MID1: variants seen among roughly 807,000 people sequenced by gnomAD.
The protein encoded by MID1 is E3 ubiquitin-protein ligase Midline-1.
A neutral mutation model predicts 40.4 loss-of-function variants in MID1; 7 were observed. The ratio of observed to expected loss-of-function variants is 0.17; its 90% CI spans 0.10 to 0.33. The LOEUF is 0.33. MID1 is among the 10% of genes least tolerant of loss of function. MID1 has a pLI of 1.00. For missense variants in MID1, 367 were observed against 558.5 expected, an observed-to-expected ratio of 0.66 and a Z score of 3.46; for synonymous variants, 229 against 221.2, an observed-to-expected ratio of 1.04 and a Z score of -0.31.
At chrX:10,714,760 A>T (rs57035641) in intron 1 of MID1, among the ~76,000 whole-genome samples, 10,416 of 111,548 alleles carry the variant, frequency 0.093, 757 homozygotes, top group African/African-American at 0.25. Context: ...GTAGGGCTTG[A>T]AAATATTTTA....
At chrX:10,715,692 G>C (rs771097068) in intron 1 of MID1, among the ~76,000 whole-genome samples, 17 of 111,886 alleles carry the variant, frequency 1.5e-4, no homozygotes, top group Non-Finnish European at 2.1e-4. Context: ...GCTTTGAAGA[G>C]AGTAGCGGTT....
rs1369752990 is a variant in MID1, at chrX:10,723,222, C to G, written c.-186-102803G>C. On this transcript the variant is annotated intron_variant, in intron 1 of 10. Transcript: ENST00000380785. ...ATAAACCCTTCATCAAACCTGGAGA[C>G]AATTATTTTCTCACTATCTGGACAA... 3.6e-5 allele frequency among the ~76,000 whole-genome samples: 4 copies of G among 111,870 alleles called. No homozygotes were observed. The East Asian group carries it at 1.1e-3, about 31-fold the overall frequency.
intron 3 of MID1, among the ~76,000 whole-genome samples, chrX:10,522,881 C>G (rs1932763685): frequency 1.8e-5 from 2 of 112,115 alleles, no homozygotes; most frequent in African/African-American, 6.5e-5. Flanking sequence ...TCAGGAAGAG[C>G]TATAATGGGA....
At chrX:10,545,025 C>T (rs1228552628) in intron 2 of MID1, among the ~76,000 whole-genome samples, 9 of 110,340 alleles carry the variant, frequency 8.2e-5, no homozygotes, top group African/African-American at 1.3e-4. Context: ...GGTGTGATCT[C>T]GGCTCACTGC....
At chrX:10,462,027 A>G (rs1257782710) in intron 7 of MID1, among the ~76,000 whole-genome samples, 1 of 111,969 alleles carries the variant, frequency 8.9e-6, no homozygotes, top group East Asian at 2.8e-4. Flanking sequence ...GTCTTAACCC[A>G]ACAAAGATTT....
intron 1 of MID1, among the ~76,000 whole-genome samples, chrX:10,660,421 C>G (rs2042902953): frequency 8.9e-6 from 1 of 112,285 alleles, no homozygotes; most frequent in Non-Finnish European, 1.9e-5. Flanking sequence ...GGGGCCTTTC[C>G]CCCTTGACAC....
chrX:10,705,399 TA>T (rs1409877202), intron 1 of MID1, among the ~76,000 whole-genome samples: 1 of 111,995 alleles, frequency 8.9e-6, no homozygotes, highest in Non-Finnish European at 1.9e-5. Flanking sequence ...TTTCTACCTC[TA>T]AAAGGCTACA....
intron 2 of MID1, among the ~76,000 whole-genome samples, chrX:10,533,354 AAG>A (rs1491287284): frequency 0.016 from 1,312 of 83,459 alleles, 14 homozygotes; most frequent in South Asian, 0.023. Flanking sequence ...GAAAGAAAGA[AAG>A]AAAGAAAGAA....
At chrX:10,828,915 TC>T (rs1255209410) in intron 1 of MID1, among the ~76,000 whole-genome samples, 1 of 112,133 alleles carries the variant, frequency 8.9e-6, no homozygotes, top group African/African-American at 3.2e-5. Context: ...CTCATAACCG[TC>T]CAATGAAGTG....
rs973283562 is a variant in MID1 at position 10,809,262 on chromosome X, C to A, written c.-187+24292G>T. Among the ~76,000 whole-genome samples the A allele has an allele frequency of 2.7e-5, 3 of 111,412 alleles. No homozygotes were observed. In the South Asian group the frequency reaches 1.1e-3, roughly 42 times the overall value. ...CACACCAGTTAGAATGGTGATCATT[C>A]AAAAGTCAGGAAACAACAGGTGCTA... On this transcript the variant is annotated intron_variant, in intron 1 of 10. Coordinates refer to the MID1 transcript ENST00000380785.
chrX:10,568,763 G>A, intron 1 of MID1, among the ~76,000 whole-genome samples: 1 of 111,812 alleles, frequency 8.9e-6, no homozygotes, highest in Non-Finnish European at 1.9e-5. Flanking sequence ...ATCAAAAAGA[G>A]TAGTAGAAAG....
chrX:10,610,105 G>C (rs972586480), intron 1 of MID1, among the ~76,000 whole-genome samples: 1 of 112,275 alleles, frequency 8.9e-6, no homozygotes, highest in African/African-American at 3.2e-5. Flanking sequence ...GACACTCAAC[G>C]TCACTCAGAA....
At chrX:10,786,464 C>G (rs2043884149) in intron 1 of MID1, among the ~76,000 whole-genome samples, 1 of 111,447 alleles carries the variant, frequency 9.0e-6, no homozygotes, top group Non-Finnish European at 1.9e-5. Context: ...CATCCCATTA[C>G]TGGGTATATA....
At chrX:10,680,579 T>G (rs750897284) in intron 1 of MID1, among the ~76,000 whole-genome samples, 45 of 111,876 alleles carry the variant, frequency 4.0e-4, no homozygotes, top group Non-Finnish European at 3.8e-5. Flanking sequence ...GAATTTGTAG[T>G]GATTGATTTT....
At chrX:10,785,404 T>C (rs1602576827) in intron 1 of MID1, among the ~76,000 whole-genome samples, 4 of 111,238 alleles carry the variant, frequency 3.6e-5, no homozygotes, top group South Asian at 3.8e-4. Context: ...AGGTAATTTA[T>C]AGATTCAATG....
intron 1 of MID1, among the ~76,000 whole-genome samples, chrX:10,693,193 CT>C (rs758493757): frequency 0.039 from 3,665 of 93,268 alleles, 107 homozygotes; most frequent in African/African-American, 0.1. Context: ...GGTGTTTTAA[CT>C]TTTTTTTTTT....
At chrX:10,819,233 G>A (rs750153963) in intron 1 of MID1, among the ~76,000 whole-genome samples, 1 of 111,438 alleles carries the variant, frequency 9.0e-6, no homozygotes, top group South Asian at 3.9e-4. Flanking sequence ...GAGAGAGAGA[G>A]AGAGAGAGAG....
At chrX:10,639,469 G>T (rs1339799209) in intron 1 of MID1, among the ~76,000 whole-genome samples, 10 of 111,895 alleles carry the variant, frequency 8.9e-5, no homozygotes, top group Admixed American at 1.9e-4. Flanking sequence ...AGAGAAAAAA[G>T]AGTAAAAAGA....
intron 2 of MID1, among the ~76,000 whole-genome samples, chrX:10,538,791 T>C (rs1355774132): frequency 1.8e-5 from 2 of 112,205 alleles, no homozygotes; most frequent in East Asian, 5.6e-4. Flanking sequence ...GCGGGTTGGC[T>C]GTGCAAATAG....
Sources: allele counts gnomAD v4.1 joint callset (sites outside exome capture counted in the v4.1 genomes callset), GRCh38; gene constraint gnomAD v4.1.1; transcripts MANE v1.5; gene names NCBI Gene and HGNC (gene_info 2026-07-23, HGNC 2026-07-21).